The following STRN3 variants were observed in gnomAD, a reference collection of about 807,000 sequenced individuals.
STRN3 encodes the protein striatin 3.
Under a neutral mutation model 95.6 loss-of-function variants are expected in STRN3, and 29 were observed. The observed-to-expected ratio is 0.30, with a 90% confidence interval of 0.23 to 0.41. STRN3 has a LOEUF of 0.41. Among genes scored for constraint, STRN3 ranks in the 10% least tolerant of loss-of-function variants. STRN3 has a pLI of 1.00. For missense variants in STRN3, 890 were observed against 972.1 expected (o/e 0.92, Z 1.12); for synonymous variants, 331 against 357.6 (o/e 0.93, Z 0.84).
chr14:30,949,181 A>G (rs1879513298), intron 4 of STRN3, among the ~76,000 whole-genome samples: 1 of 152,204 alleles, frequency 6.6e-6, no homozygotes, highest in Admixed American at 6.5e-5. Flanking sequence ...ATTTCCTTCA[A>G]TTCTGCTAGT....
At chr14:30,949,015 C>G (rs1382562883) in intron 4 of STRN3, among the ~76,000 whole-genome samples, 1 of 152,160 alleles carries the variant, frequency 6.6e-6, no homozygotes, top group African/African-American at 2.4e-5. Context: ...ACAGAGTGTT[C>G]TCTGACATAC....
At chr14:31,024,990 C>T (rs955124083) in intron 1 of STRN3, 3 of 152,188 alleles carry the variant, frequency 2.0e-5, no homozygotes, top group African/African-American at 7.2e-5. Context: ...ATCAAAGGTT[C>T]ACATTATGAG....
chr14:30,894,804 A>T lies in STRN3; in HGVS notation c.*607T>A. 1 of 329,308 alleles carries T rather than the reference A, an allele frequency of 3.0e-6. No individual in the cohort carries two copies. The highest frequency in any genetic ancestry group is 5.2e-6 in the Non-Finnish European group (1 of 192,562). The allele number at this position is 329,308 out of a possible 1,614,324, so 20.4% of individuals were successfully genotyped here. On this transcript the variant is annotated 3_prime_UTR_variant, in exon 18 of 18. Transcript: ENST00000357479. ...TCTTGAGCACTGTTGTGACAGGCTA[A>T]ATATATAAAAAGACTTATAAAAACT...
At chr14:30,988,308 T>C (rs1251945981) in intron 1 of STRN3, among the ~76,000 whole-genome samples, 1 of 152,194 alleles carries the variant, frequency 6.6e-6, no homozygotes, top group Non-Finnish European at 1.5e-5. Context: ...CTCTGACCCT[T>C]ATACTCAAAC....
intron 5 of STRN3, among the ~76,000 whole-genome samples, chr14:30,942,249 T>C (rs1259399882): frequency 1.3e-5 from 2 of 152,170 alleles, no homozygotes; most frequent in Admixed American, 1.3e-4. Context: ...TAATGCATCT[T>C]AAGCCCTTCA....
At chr14:30,944,590 C>T (rs563668825) in intron 5 of STRN3, among the ~76,000 whole-genome samples, 3 of 144,068 alleles carry the variant, frequency 2.1e-5, no homozygotes, top group South Asian at 2.5e-4. Flanking sequence ...GACACACGCA[C>T]ATACATATAT....
In STRN3 at chr14:30,894,874, TAAGTTA is replaced by T; in HGVS notation, c.*531_*536del. 1 of 842,160 alleles carries T rather than the reference TAAGTTA, an allele frequency of 1.2e-6. No homozygotes were observed. The highest frequency in any genetic ancestry group is 1.6e-6 in the Non-Finnish European group (1 of 641,904). The allele number at this position is 842,160 out of a possible 1,614,324, so 52.2% of individuals were successfully genotyped here. On this transcript the variant is annotated 3_prime_UTR_variant, in exon 18 of 18. Coordinates refer to ENST00000357479, the MANE Select transcript of STRN3 (RefSeq NM_001083893.2). ...TTGTGCAACTAATGCTAAAATATTT[TAAGTTA>T]AATTTTCTTTTTCTTTTTTTTTTTT...
intron 1 of STRN3, among the ~76,000 whole-genome samples, chr14:30,997,461 G>A (rs1594560394): frequency 6.6e-6 from 1 of 152,124 alleles, no homozygotes; most frequent in East Asian, 1.9e-4. Context: ...CTATAGATTA[G>A]AGCCCGCCAA....
chr14:30,935,335 T>A (rs1878765932), intron 6 of STRN3, 31 bp from the exon 7 acceptor site: 1 of 1,602,166 alleles, frequency 6.2e-7, no homozygotes, highest in South Asian at 1.1e-5. Context: ...AAGAATTACT[T>A]TTATCCTAAA....
At position 30,986,190 on chromosome 14, in the gene STRN3, G is replaced by A. The variant is rs77633252; in HGVS notation, c.283-29948C>T. On this transcript the variant is annotated intron_variant, in intron 1 of 17. Coordinates refer to ENST00000357479, the MANE Select transcript of STRN3 (RefSeq NM_001083893.2). ...GTATAAGGCTTCACTGCATGGATGCGTGTGAGGGACAGGTATGCTTCTAAA... is the reference window on the plus strand; with the variant it reads ...GTATAAGGCTTCACTGCATGGATGCATGTGAGGGACAGGTATGCTTCTAAA... Among the ~76,000 whole-genome samples, 1,382 of 152,292 alleles carry A rather than the reference G, an allele frequency of 9.1e-3. 22 individuals are homozygous for A. Among genetic ancestry groups the A allele is most frequent in the African/African-American group, 0.031 (1,285 of 41,554 alleles).
rs1423642985 is a variant in STRN3, at chr14:31,001,931, C to A, written c.282+23973G>T. ...CTGTAATCCCAGCACTTTGGGAGGC[C>A]AAGGCAGGTGATCACCTGAGGTCGG... On this transcript the variant is annotated intron_variant, in intron 1 of 17. Coordinates refer to ENST00000357479, the MANE Select transcript of STRN3 (RefSeq NM_001083893.2). 2.1e-5 allele frequency among the ~76,000 whole-genome samples: 3 copies of A among 142,712 alleles called. No homozygotes were observed. In the South Asian group the frequency reaches 6.8e-4, roughly 32 times the overall value. 93.6% of individuals were successfully genotyped at this position (142,712 alleles called of 152,430 possible).
chr14:31,006,469 G>A (rs1214249420), intron 1 of STRN3, among the ~76,000 whole-genome samples: 3 of 152,034 alleles, frequency 2.0e-5, no homozygotes, highest in Admixed American at 6.6e-5. Context: ...GCCGGGGCAG[G>A]TGGATTACCT....
chr14:30,919,895 G>A (rs756379449), intron 8 of STRN3, among the ~76,000 whole-genome samples: 1 of 151,894 alleles, frequency 6.6e-6, no homozygotes, highest in Non-Finnish European at 1.5e-5. Flanking sequence ...AGAAATAGCA[G>A]AATTATTTAT....
At chr14:31,018,055 G>C (rs1173784290) in intron 1 of STRN3, among the ~76,000 whole-genome samples, 1 of 149,354 alleles carries the variant, frequency 6.7e-6, no homozygotes, top group Admixed American at 6.7e-5. Context: ...CTCCAGCCTG[G>C]GCAACAAAAT....
intron 13 of STRN3, among the ~76,000 whole-genome samples, chr14:30,907,280 CT>C (rs35844855): frequency 0.032 from 4,595 of 142,464 alleles, 95 homozygotes; most frequent in African/African-American, 0.074. Context: ...GAAACATATG[CT>C]TTTTTTTTTT....
intron 8 of STRN3, among the ~76,000 whole-genome samples, chr14:30,925,896 A>G (rs1897015478): frequency 6.6e-6 from 1 of 152,144 alleles, no homozygotes; most frequent in South Asian, 2.1e-4. Flanking sequence ...GGAGAACATC[A>G]GAATAATAAC....
intron 5 of STRN3, among the ~76,000 whole-genome samples, chr14:30,946,670 G>C (rs1235917451): frequency 6.6e-6 from 1 of 152,006 alleles, no homozygotes; most frequent in Middle Eastern, 3.4e-3. Context: ...CTCTGAACTC[G>C]ATCTGCTTTA....
At chr14:30,898,208 G>A (rs1799608703) in intron 16 of STRN3, among the ~76,000 whole-genome samples, 1 of 151,156 alleles carries the variant, frequency 6.6e-6, no homozygotes, top group Non-Finnish European at 1.5e-5. Flanking sequence ...AACTCCTGGT[G>A]TCAAGCGATT....
intron 1 of STRN3, among the ~76,000 whole-genome samples, chr14:30,976,123 T>C (rs1262533110): frequency 6.6e-6 from 1 of 152,086 alleles, no homozygotes; most frequent in Non-Finnish European, 1.5e-5. Context: ...AAGAGACTGT[T>C]GTAGTGAATT....
Sources: gnomAD v4.1 joint callset for allele counts (sites outside exome capture counted in the v4.1 genomes callset) on GRCh38, gnomAD v4.1.1 for gene constraint, MANE v1.5 for transcripts, NCBI Gene and HGNC (gene_info 2026-07-23, HGNC 2026-07-21) for gene names.